RAB38: variants seen among roughly 807,000 people sequenced by gnomAD.
The protein encoded by RAB38 is ras-related protein Rab-38.
A neutral mutation model predicts 18.4 loss-of-function variants in RAB38; 15 were observed. That is an observed-to-expected ratio of 0.82 (90% CI 0.55 to 1.26). RAB38 has a LOEUF of 1.26. Ranked by LOEUF, RAB38 falls within the 50% of genes most tolerant of loss-of-function variation. The pLI, the probability that RAB38 is intolerant of heterozygous loss-of-function variation, is 0.00. For missense variants in RAB38, 294 were observed against 267.4 expected, an observed-to-expected ratio of 1.10 and a Z score of -0.69; for synonymous variants, 101 against 104.4, an observed-to-expected ratio of 0.97 and a Z score of 0.20.
chr11:88,087,494 G>A, the RAB38 span, among the ~76,000 whole-genome samples: 23 of 152,006 alleles, frequency 1.5e-4, no homozygotes, highest in East Asian at 4.5e-3. Context: ...GAATTCAAGG[G>A]CAAGCCAATA....
chr11:87,976,444 T>A, the RAB38 span, among the ~76,000 whole-genome samples: 84 of 136,068 alleles, frequency 6.2e-4, no homozygotes, highest in African/African-American at 2.1e-3. Context: ...TTATATTTTT[T>A]ATATTTATAA....
the RAB38 span, among the ~76,000 whole-genome samples, chr11:87,816,736 C>T: frequency 6.6e-6 from 1 of 151,896 alleles, no homozygotes; most frequent in Admixed American, 6.6e-5. Flanking sequence ...ATCCTGTATC[C>T]TATAGACTTT....
chr11:87,874,986 T>A, the RAB38 span, among the ~76,000 whole-genome samples: 4 of 151,568 alleles, frequency 2.6e-5, no homozygotes, highest in African/African-American at 9.7e-5. Context: ...GTTGAAGGGA[T>A]ACTTATACTG....
chr11:88,031,397 G>A, the RAB38 span, among the ~76,000 whole-genome samples: 73 of 149,882 alleles, frequency 4.9e-4, no homozygotes, highest in Admixed American at 4.7e-3. Context: ...GGCAGGAGAA[G>A]GAAATAAAGG....
At chr11:88,135,510 C>T (rs1039738594) in intron 2 of RAB38, among the ~76,000 whole-genome samples, 3 of 152,156 alleles carry the variant, frequency 2.0e-5, no homozygotes, top group African/African-American at 4.8e-5. Flanking sequence ...CTTGTGTTTC[C>T]ATGCAAATGG....
chr11:88,061,909 C>T, the RAB38 span: 1 of 152,042 alleles, frequency 6.6e-6, no homozygotes, highest in Non-Finnish European at 1.5e-5. Context: ...TTCAGTCTAC[C>T]CTGAAATAGG....
At chr11:88,093,991 T>C in the RAB38 span, among the ~76,000 whole-genome samples, 1 of 146,408 alleles carries the variant, frequency 6.8e-6, no homozygotes, top group Non-Finnish European at 1.5e-5. Flanking sequence ...TCCTGCATCA[T>C]TGCTTCCATG....
chr11:88,057,554 T>C, the RAB38 span, among the ~76,000 whole-genome samples: 4 of 152,188 alleles, frequency 2.6e-5, no homozygotes, highest in African/African-American at 9.6e-5. Context: ...CAGCATGTAG[T>C]GTTCAATAAA....
At chr11:87,902,342 C>G in the RAB38 span, among the ~76,000 whole-genome samples, 1 of 151,470 alleles carries the variant, frequency 6.6e-6, no homozygotes, top group Non-Finnish European at 1.5e-5. Context: ...ATTGTATCCG[C>G]AATTGTCGAA....
chr11:88,105,909 T>G, the RAB38 span, among the ~76,000 whole-genome samples: 1 of 152,130 alleles, frequency 6.6e-6, no homozygotes, highest in Admixed American at 6.6e-5. Flanking sequence ...TACCTCCCAA[T>G]AGAGGTAGTA....
At chr11:88,098,116 TAG>T in the RAB38 span, 1 of 151,612 alleles carries the variant, frequency 6.6e-6, no homozygotes, top group Non-Finnish European at 1.5e-5. Context: ...AATAAATAAA[TAG>T]AGTCTTATTT....
chr11:88,155,262 A>G (rs1943111232), intron 1 of RAB38, among the ~76,000 whole-genome samples: 1 of 152,210 alleles, frequency 6.6e-6, no homozygotes, highest in South Asian at 2.1e-4. Flanking sequence ...GTGCGTTCCA[A>G]GAATCAGCCC....
the RAB38 span, among the ~76,000 whole-genome samples, chr11:88,028,416 C>T: frequency 3.2e-4 from 49 of 152,144 alleles, no homozygotes; most frequent in African/African-American, 9.4e-4. Context: ...AGGCTTCAGA[C>T]GATCAAACTA....
chr11:87,877,662 G>A, the RAB38 span, among the ~76,000 whole-genome samples: 4 of 151,258 alleles, frequency 2.6e-5, no homozygotes, highest in African/African-American at 7.3e-5. Context: ...CCATAGTTAC[G>A]CCCACCTTAC....
At chr11:87,821,610 G>A in the RAB38 span, among the ~76,000 whole-genome samples, 6 of 152,236 alleles carry the variant, frequency 3.9e-5, no homozygotes, top group African/African-American at 1.4e-4. Context: ...AGCACTTTGG[G>A]AGGCCGAGGC....
At chr11:88,081,604 T>C in the RAB38 span, among the ~76,000 whole-genome samples, 2 of 152,084 alleles carry the variant, frequency 1.3e-5, no homozygotes, top group East Asian at 3.9e-4. Context: ...GCATCCATCT[T>C]TACATAGCCT....
the RAB38 span, among the ~76,000 whole-genome samples, chr11:87,855,423 T>TCAA: frequency 6.6e-6 from 1 of 152,126 alleles, no homozygotes; most frequent in Non-Finnish European, 1.5e-5. Context: ...AGGTTGTATA[T>TCAA]CAACTCAGAA....
At chr11:87,949,780 T>C in the RAB38 span, among the ~76,000 whole-genome samples, 1 of 152,238 alleles carries the variant, frequency 6.6e-6, no homozygotes, top group Non-Finnish European at 1.5e-5. Context: ...TTTGTTCTTT[T>C]ACATTTGCTA....
the RAB38 span, among the ~76,000 whole-genome samples, chr11:87,933,621 A>G: frequency 6.6e-6 from 1 of 152,024 alleles, no homozygotes; most frequent in African/African-American, 2.4e-5. Context: ...GCTCTGAGGA[A>G]ACAGCCAAGA....
Sources: allele counts gnomAD v4.1 joint callset (sites outside exome capture counted in the v4.1 genomes callset), GRCh38; gene constraint gnomAD v4.1.1; transcripts MANE v1.5; gene names NCBI Gene and HGNC (gene_info 2026-07-23, HGNC 2026-07-21).